Variants in DNAH5 observed in about 807,000 individuals in gnomAD.
DNAH5 encodes the protein dynein axonemal heavy chain 5.
Under a neutral mutation model 518.2 loss-of-function variants are expected in DNAH5, and 372 were observed. That is an observed-to-expected ratio of 0.72 (90% confidence interval 0.66 to 0.78). The LOEUF is 0.78. DNAH5 is among the 30% of genes least tolerant of loss of function. The pLI is 0.00. For synonymous variants in DNAH5, 2,039 were observed against 2,025.9 expected, an observed-to-expected ratio of 1.01 and a Z score of -0.17; for missense variants, 5,523 against 5,687.0, an observed-to-expected ratio of 0.97 and a Z score of 0.93.
chr5:13,712,188 T>C (rs1371717570), intron 75 of DNAH5, among the ~76,000 whole-genome samples: 1 of 152,164 alleles, frequency 6.6e-6, no homozygotes, highest in South Asian at 2.1e-4. Flanking sequence ...CCAACTGATT[T>C]CGACAAAGCA....
intron 74 of DNAH5, among the ~76,000 whole-genome samples, chr5:13,715,486 A>G (rs1744165950): frequency 6.6e-6 from 1 of 152,232 alleles, no homozygotes; most frequent in African/African-American, 2.4e-5. Flanking sequence ...TAAAACAAAT[A>G]TATTTGCTGA....
At chr5:13,892,711 G>A (rs139655594) in intron 16 of DNAH5, among the ~76,000 whole-genome samples, 2 of 152,134 alleles carry the variant, frequency 1.3e-5, no homozygotes, top group African/African-American at 4.8e-5. Context: ...TATCTTGGTC[G>A]CCTGTTCTAA....
At chr5:13,994,264 A>T (rs929523122) in intron 1 of DNAH5, among the ~76,000 whole-genome samples, 1 of 152,064 alleles carries the variant, frequency 6.6e-6, no homozygotes, top group African/African-American at 2.4e-5. Flanking sequence ...AACTCTCCTG[A>T]CCTAACCAGA....
intron 37 of DNAH5, 55 bp downstream of exon 37, chr5:13,829,970 CA>C: frequency 6.7e-7 from 1 of 1,491,668 alleles, no homozygotes; most frequent in Non-Finnish European, 9.3e-7. Context: ...CAGGGAGATG[CA>C]TGAAAATTGT....
At chr5:13,737,104 A>T in intron 66 of DNAH5, 148 bp downstream of exon 66, 1 of 1,320,010 alleles carries the variant, frequency 7.6e-7, no homozygotes, top group Non-Finnish European at 1.1e-6. Context: ...CCTCCATTTT[A>T]CGGAATATTT....
chr5:13,861,052 C>T (rs1768342596), intron 29 of DNAH5, among the ~76,000 whole-genome samples: 1 of 152,166 alleles, frequency 6.6e-6, no homozygotes, highest in Admixed American at 6.5e-5. Context: ...GAGTACATCA[C>T]ACACATAGTA....
At chr5:13,852,984 G>C (rs755318438) in intron 30 of DNAH5, among the ~76,000 whole-genome samples, 12 of 152,264 alleles carry the variant, frequency 7.9e-5, no homozygotes, top group Non-Finnish European at 1.5e-4. Context: ...GCTCTGAAGA[G>C]AGCAGCAGAT....
At chr5:13,943,701 G>A (rs1398373985) in intron 1 of DNAH5, among the ~76,000 whole-genome samples, 2 of 152,138 alleles carry the variant, frequency 1.3e-5, no homozygotes, top group Non-Finnish European at 2.9e-5. Context: ...AACAGGCTAG[G>A]GGGGATCATG....
Position 13,809,025 on chromosome 5 carries a change from T to A in DNAH5, c.7752+19A>T. 1 of 1,613,682 alleles carries A rather than the reference T, an allele frequency of 6.2e-7. No individual in the cohort carries two copies. The stretch of plus-strand genomic sequence containing the variant: ...TCCCCTTAAAATATGCTACAGTTAA[T>A]AAAAATTAAAAGTCATACCTTGCCC... On this transcript the variant is annotated intron_variant, in intron 46 of 78. Coordinates refer to ENST00000265104, the MANE Select transcript of DNAH5 (RefSeq NM_001369.3).
At chr5:13,847,192 A>G (rs1766119970) in intron 31 of DNAH5, among the ~76,000 whole-genome samples, 1 of 152,150 alleles carries the variant, frequency 6.6e-6, no homozygotes, top group Non-Finnish European at 1.5e-5. Context: ...CTGATCCTCG[A>G]CAGCTTGGGA....
chr5:13,854,590 A>G (rs1014314272), intron 30 of DNAH5, among the ~76,000 whole-genome samples: 9 of 152,328 alleles, frequency 5.9e-5, no homozygotes, highest in African/African-American at 2.2e-4. Flanking sequence ...TAATAGAGTC[A>G]AGATCCATCA....
intron 45 of DNAH5, among the ~76,000 whole-genome samples, 162 bp downstream of exon 45, chr5:13,809,897 T>A (rs1320257187): frequency 6.6e-6 from 1 of 152,236 alleles, no homozygotes; most frequent in Non-Finnish European, 1.5e-5. Flanking sequence ...GTAGATTTTT[T>A]AAAAAGAAAC....
chr5:13,836,132 T>TC (rs1354252887), intron 35 of DNAH5, among the ~76,000 whole-genome samples: 1 of 151,946 alleles, frequency 6.6e-6, no homozygotes, highest in Non-Finnish European at 1.5e-5. Flanking sequence ...CTATCACACT[T>TC]CCCCCCAGCA....
intron 1 of DNAH5, among the ~76,000 whole-genome samples, chr5:13,958,655 G>T (rs777434671): frequency 8.5e-5 from 13 of 152,126 alleles, no homozygotes; most frequent in Non-Finnish European, 1.6e-4. Context: ...TGAATATATA[G>T]TAGCTATGTG....
intron 22 of DNAH5, among the ~76,000 whole-genome samples, chr5:13,872,851 A>AT (rs1456375155): frequency 2.0e-5 from 3 of 152,146 alleles, no homozygotes; most frequent in African/African-American, 7.2e-5. Context: ...TGTCTTAAGA[A>AT]TATCTTTGCA....
chr5:13,942,164 G>A (rs937926465), intron 1 of DNAH5, among the ~76,000 whole-genome samples: 8 of 151,932 alleles, frequency 5.3e-5, no homozygotes, highest in African/African-American at 1.9e-4. Context: ...AAAATAACGT[G>A]TGTTTATTAT....
At chr5:13,717,056 A>G (rs1405160683) in intron 73 of DNAH5, among the ~76,000 whole-genome samples, 2 of 151,712 alleles carry the variant, frequency 1.3e-5, no homozygotes, top group African/African-American at 4.8e-5. Flanking sequence ...CCCCACCCAC[A>G]CCCCCTGAGA....
chr5:13,727,532 C>A lies in DNAH5; in HGVS notation c.12008G>T (p.Trp4003Leu). 1 of 1,613,490 alleles carries A rather than the reference C, an allele frequency of 6.2e-7. No individual in the cohort carries two copies. Among genetic ancestry groups the A allele is most frequent in the Non-Finnish European group, 8.5e-7 (1 of 1,179,642 alleles). Reference protein sequence around the residue: ...CFRRLLLIRSWCPDRTIAQAR... With the variant: ...CFRRLLLIRSLCPDRTIAQAR... ...CTGGGCGATGGTTCTGTCAGGACACCAGGATCTAATAAGGAGAAGACGTCT... is the reference window on the plus strand; with the variant it reads ...CTGGGCGATGGTTCTGTCAGGACACAAGGATCTAATAAGGAGAAGACGTCT... The change falls in exon 70 of 79, where the codon TGG becomes TTG. Residue 4003 changes from tryptophan to leucine, a missense_variant. Physicochemically the swap from Trp to Leu is moderately conservative, Grantham distance 61 (BLOSUM62 -2). Transcript: ENST00000265104.
At chr5:13,728,268 A>ATC (rs1746024827) in intron 69 of DNAH5, among the ~76,000 whole-genome samples, 1 of 152,162 alleles carries the variant, frequency 6.6e-6, no homozygotes, top group Non-Finnish European at 1.5e-5. Flanking sequence ...CACCAAAGAG[A>ATC]GGCAGGAATT....
Sources: gnomAD v4.1 joint callset for allele counts (sites outside exome capture counted in the v4.1 genomes callset) on GRCh38, gnomAD v4.1.1 for gene constraint, MANE v1.5 for transcripts, NCBI Gene and HGNC (gene_info 2026-07-23, HGNC 2026-07-21) for gene names.